PDS5B: variants seen among roughly 807,000 people sequenced by gnomAD.
PDS5B encodes PDS5 cohesin associated factor B, also known as sister chromatid cohesion protein PDS5 homolog B.
In PDS5B, 51 loss-of-function variants were observed where a neutral mutation model predicts 184.1. That is an observed-to-expected ratio of 0.28 (90% CI 0.22 to 0.35). The LOEUF (loss-of-function observed/expected upper bound fraction) is 0.35. PDS5B is among the 10% of genes least tolerant of loss of function. The pLI is 1.00. For synonymous variants in PDS5B, 566 were observed against 569.2 expected (o/e 0.99, Z 0.08); for missense variants, 1,180 against 1,723.3 (o/e 0.68, Z 5.58).
chr13:32,658,156 T>TG, intron 3 of PDS5B, 83 bp from the exon 4 acceptor site: 1 of 714,924 alleles, frequency 1.4e-6, no homozygotes, highest in South Asian at 1.7e-5. Flanking sequence ...TACACATGAG[T>TG]GCTGAATAAA....
intron 24 of PDS5B, among the ~76,000 whole-genome samples, chr13:32,748,254 T>G (rs1313670267): frequency 6.6e-6 from 1 of 152,208 alleles, no homozygotes; most frequent in Non-Finnish European, 1.5e-5. Context: ...TTGTCTCTCT[T>G]ACTCTCTTAT....
At chr13:32,665,967 A>G (rs1222161747) in intron 6 of PDS5B, among the ~76,000 whole-genome samples, 3 of 152,206 alleles carry the variant, frequency 2.0e-5, no homozygotes, top group East Asian at 3.8e-4. Context: ...GAAGTAGAGA[A>G]TAGAATGGTG....
At chr13:32,619,724 G>T (rs537371691) in intron 1 of PDS5B, among the ~76,000 whole-genome samples, 59 of 152,292 alleles carry the variant, frequency 3.9e-4, no homozygotes, top group Admixed American at 5.9e-4. Context: ...TATATGGTTT[G>T]TTGTTGACTG....
Position 32,758,076 on chromosome 13 carries a change from T to G in PDS5B, c.3057-11T>G. The G allele has an allele frequency of 2.4e-6, 3 of 1,262,278 alleles. No homozygotes were observed. Among genetic ancestry groups the G allele is most frequent in the Non-Finnish European group, 3.2e-6 (3 of 946,870 alleles). The allele number at this position is 1,262,278 out of a possible 1,614,324, so 78.2% of individuals were successfully genotyped here. A position where few individuals can be genotyped will look rare whatever the true frequency, so the allele number is the denominator to read the frequency against. On this transcript the variant is annotated splice_polypyrimidine_tract_variant and intron_variant, in intron 26 of 34. Transcript: ENST00000315596. Reference sequence around the variant, plus strand: ...CTTCTATATTTCTTTTTTCCTTTTTTTTTTTTTTAGATGTCTTTGGTTTGT... The same window carrying G: ...CTTCTATATTTCTTTTTTCCTTTTTGTTTTTTTTAGATGTCTTTGGTTTGT...
chr13:32,598,885 C>G (rs570636374), intron 1 of PDS5B, among the ~76,000 whole-genome samples: 8 of 151,548 alleles, frequency 5.3e-5, no homozygotes, highest in Non-Finnish European at 1.2e-4. Flanking sequence ...ATTCTCCTGC[C>G]TCAGCCTTCC....
At chr13:32,635,593 C>T (rs951990548) in intron 1 of PDS5B, among the ~76,000 whole-genome samples, 8 of 141,980 alleles carry the variant, frequency 5.6e-5, no homozygotes, top group Admixed American at 1.4e-4. Flanking sequence ...CTGGCCGCCT[C>T]AACCTCCCAA....
intron 1 of PDS5B, among the ~76,000 whole-genome samples, chr13:32,645,687 G>C (rs1222294494): frequency 6.6e-6 from 1 of 152,036 alleles, no homozygotes. Context: ...AATGTCTGGA[G>C]CTTTTCTTGT....
chr13:32,682,318 G>C (rs776963571), intron 10 of PDS5B, among the ~76,000 whole-genome samples: 1 of 151,942 alleles, frequency 6.6e-6, no homozygotes, highest in Non-Finnish European at 1.5e-5. Context: ...ACCATTTTCT[G>C]GTTTCTATTT....
Position 32,773,242 on chromosome 13 carries a change from A to T in PDS5B, c.4226A>T (p.Glu1409Val). 6.2e-7 allele frequency: 1 copy of T among 1,613,394 alleles called. No homozygotes were observed. The highest frequency in any genetic ancestry group is 8.5e-7 in the Non-Finnish European group (1 of 1,179,528). Residue 1409 changes from glutamate to valine, a missense_variant, in exon 34 of 35, where the codon GAA (glutamate) becomes GTA (valine). Physicochemically the swap from Glu to Val is moderately radical, Grantham distance 121. Transcript: ENST00000315596. ...AATKENDSSE[E>V]VDVFQGSSPV... ...ACTAAGGAAAATGATTCAAGTGAAG[A>T]AGTAGATGTGTTTCAGGGTAGCTCT...
chr13:32,708,207 T>G (rs1952086337), intron 18 of PDS5B, among the ~76,000 whole-genome samples: 1 of 152,140 alleles, frequency 6.6e-6, no homozygotes, highest in African/African-American at 2.4e-5. Context: ...GTCATAGAGG[T>G]GTATGTAACA....
At chr13:32,676,267 T>A (rs990319873) in intron 9 of PDS5B, among the ~76,000 whole-genome samples, 4 of 152,174 alleles carry the variant, frequency 2.6e-5, no homozygotes, top group African/African-American at 7.2e-5. Flanking sequence ...TTGGGAGATA[T>A]AGCCTCTCTA....
intron 21 of PDS5B, among the ~76,000 whole-genome samples, chr13:32,739,248 A>T (rs938432596): frequency 6.6e-6 from 1 of 152,016 alleles, no homozygotes; most frequent in Non-Finnish European, 1.5e-5. Flanking sequence ...ACTGTTTATT[A>T]AATATCTTAC....
At chr13:32,753,872 C>A (rs1954075790) in intron 25 of PDS5B, among the ~76,000 whole-genome samples, 1 of 152,040 alleles carries the variant, frequency 6.6e-6, no homozygotes, top group South Asian at 2.1e-4. Flanking sequence ...AGACTTTGAT[C>A]TTTGTTGTTT....
At chr13:32,635,005 T>G (rs75969301) in intron 1 of PDS5B, among the ~76,000 whole-genome samples, 1 of 146,766 alleles carries the variant, frequency 6.8e-6, no homozygotes, top group Admixed American at 6.8e-5. Flanking sequence ...CTGCCTCTTT[T>G]TTTTTTTTTT....
At chr13:32,714,232 G>T (rs1022702948) in intron 19 of PDS5B, among the ~76,000 whole-genome samples, 1 of 152,122 alleles carries the variant, frequency 6.6e-6, no homozygotes, top group African/African-American at 2.4e-5. Flanking sequence ...ATGAAGTTTC[G>T]GGCACCATTG....
At chr13:32,615,457 C>T (rs1377255143) in intron 1 of PDS5B, among the ~76,000 whole-genome samples, 1 of 151,400 alleles carries the variant, frequency 6.6e-6, no homozygotes, top group Non-Finnish European at 1.5e-5. Context: ...GTATACCTAT[C>T]ATAATTTATT....
chr13:32,596,581 A>C (rs1024738094), intron 1 of PDS5B, among the ~76,000 whole-genome samples: 3 of 152,320 alleles, frequency 2.0e-5, no homozygotes, highest in South Asian at 4.1e-4. Context: ...CTAGTTTTTC[A>C]AAGTGGTTTT....
intron 23 of PDS5B, 69 bp downstream of exon 23, chr13:32,742,796 GGT>G: frequency 7.4e-7 from 1 of 1,342,352 alleles, no homozygotes; most frequent in Non-Finnish European, 1.0e-6. Flanking sequence ...ACTGTTCAAT[GGT>G]GCTGTTTCTT....
At chr13:32,760,299 T>C (rs1296131860) in intron 29 of PDS5B, among the ~76,000 whole-genome samples, 3 of 152,200 alleles carry the variant, frequency 2.0e-5, no homozygotes, top group South Asian at 4.1e-4. Context: ...AGTCTAATTA[T>C]CTATTTTCAT....
Sources: gnomAD v4.1 joint callset for allele counts (sites outside exome capture counted in the v4.1 genomes callset) on GRCh38, gnomAD v4.1.1 for gene constraint, MANE v1.5 for transcripts, NCBI Gene and HGNC (gene_info 2026-07-23, HGNC 2026-07-21) for gene names.